The following ZFR variants were observed in gnomAD, a reference collection of about 807,000 sequenced individuals.
ZFR encodes the protein zinc finger RNA binding protein.
In ZFR, 19 loss-of-function variants were observed where a neutral mutation model predicts 130.7. The observed-to-expected ratio is 0.15, with a 90% confidence interval of 0.10 to 0.21. The LOEUF (loss-of-function observed/expected upper bound fraction) is 0.21. Among genes scored for constraint, ZFR ranks in the 10% least tolerant of loss-of-function variants. The pLI is 1.00. For synonymous variants in ZFR, 466 were observed against 456.9 expected, an observed-to-expected ratio of 1.02 and a Z score of -0.25; for missense variants, 872 against 1,321.5, an observed-to-expected ratio of 0.66 and a Z score of 5.27.
At chr5:32,399,749 T>C (rs534270291) in intron 9 of ZFR, among the ~76,000 whole-genome samples, 2 of 152,036 alleles carry the variant, frequency 1.3e-5, no homozygotes, top group African/African-American at 2.4e-5. Flanking sequence ...TGCTAGTAAA[T>C]AGAAAGTTAC....
At chr5:32,378,082 T>C (rs1035309868) in intron 17 of ZFR, among the ~76,000 whole-genome samples, 4 of 152,236 alleles carry the variant, frequency 2.6e-5, no homozygotes, top group Non-Finnish European at 4.4e-5. Flanking sequence ...ATTAGTCTAA[T>C]AGTTTTTTTG....
At chr5:32,381,959 AATAG>A (rs1428725159) in intron 15 of ZFR, among the ~76,000 whole-genome samples, 4 of 152,218 alleles carry the variant, frequency 2.6e-5, no homozygotes, top group African/African-American at 7.2e-5. Flanking sequence ...TTCTGTCAGG[AATAG>A]ATAAAGAAAA....
chr5:32,375,519 A>C (rs538740849), intron 17 of ZFR, among the ~76,000 whole-genome samples: 1 of 151,672 alleles, frequency 6.6e-6, no homozygotes, highest in East Asian at 1.9e-4. Flanking sequence ...TGTCTCAAAG[A>C]AAAAAAAAGA....
At chr5:32,381,413 TATGA>T (rs958960993) in intron 15 of ZFR, among the ~76,000 whole-genome samples, 4 of 152,146 alleles carry the variant, frequency 2.6e-5, no homozygotes, top group Non-Finnish European at 5.9e-5. Flanking sequence ...ATTTAAATAG[TATGA>T]ATATTTTCTC....
chr5:32,396,226 AG>A (rs1213246670), intron 10 of ZFR, among the ~76,000 whole-genome samples: 3 of 151,558 alleles, frequency 2.0e-5, no homozygotes, highest in Admixed American at 6.6e-5. Context: ...AAAAAAAAAA[AG>A]GCAGGCAAAT....
chr5:32,362,248 TAAACTATG>T (rs971780584), intron 19 of ZFR, among the ~76,000 whole-genome samples: 37 of 152,192 alleles, frequency 2.4e-4, no homozygotes, highest in African/African-American at 8.2e-4. Context: ...AAAGGTATGT[TAAACTATG>T]TACGCCTACC....
chr5:32,390,690 C>T (rs1181167925), intron 11 of ZFR, among the ~76,000 whole-genome samples: 2 of 152,176 alleles, frequency 1.3e-5, no homozygotes, highest in Non-Finnish European at 2.9e-5. Flanking sequence ...CAGTTTCTTA[C>T]CTCTCTCCTG....
At chr5:32,421,778 G>C (rs563516333) in intron 2 of ZFR, among the ~76,000 whole-genome samples, 1 of 152,050 alleles carries the variant, frequency 6.6e-6, no homozygotes, top group Non-Finnish European at 1.5e-5. Flanking sequence ...ATTTCTATCT[G>C]GATGAGGTTT....
At chr5:32,360,899 C>T (rs1752418080) in intron 19 of ZFR, among the ~76,000 whole-genome samples, 1 of 152,124 alleles carries the variant, frequency 6.6e-6, no homozygotes. Context: ...GAACCCTCAA[C>T]TTCCTGGGCT....
rs1173875197 is a variant in ZFR, at chr5:32,400,154, T to G, written c.1566A>C (p.Gly522=). The part of the protein sequence containing the change: ...STGNKAEDIK[G]TECVKSTPVT... ...CAGGAGTACTTTTAACACATTCGGT[T>G]CCTTTTATGTCTTCTGCTTTATTTC... Residue 522 remains glycine (G), a synonymous_variant, in exon 9 of 20, where the codon GGA becomes GGC. Coordinates refer to ENST00000265069, the MANE Select transcript of ZFR (RefSeq NM_016107.5). 6.2e-7 allele frequency: 1 copy of G among 1,611,982 alleles called. No homozygotes were observed. The highest frequency in any genetic ancestry group is 8.5e-7 in the Non-Finnish European group (1 of 1,178,792).
chr5:32,423,937 G>C (rs948685052), intron 2 of ZFR, among the ~76,000 whole-genome samples: 14 of 152,166 alleles, frequency 9.2e-5, no homozygotes, highest in Non-Finnish European at 1.5e-4. Flanking sequence ...AACTATGGAG[G>C]CAGAATAAAG....
intron 8 of ZFR, among the ~76,000 whole-genome samples, chr5:32,402,796 A>C (rs1315128657): frequency 2.0e-5 from 3 of 151,480 alleles, no homozygotes; most frequent in Admixed American, 2.0e-4. Flanking sequence ...AAAAAAAAAA[A>C]ACAAAAAAAA....
chr5:32,360,540 T>C (rs1752409866), intron 19 of ZFR, among the ~76,000 whole-genome samples: 1 of 152,262 alleles, frequency 6.6e-6, no homozygotes, highest in East Asian at 1.9e-4. Context: ...TTCTAACGTA[T>C]GACTGTATTT....
chr5:32,390,018 G>A (rs1753128458), intron 12 of ZFR, among the ~76,000 whole-genome samples: 1 of 152,186 alleles, frequency 6.6e-6, no homozygotes. Flanking sequence ...AAGTGTGTTG[G>A]TGAGCACCTG....
rs548748853 is a variant in ZFR at position 32,403,288 on chromosome 5, G to C, written c.1334C>G (p.Ser445Cys). 4.3e-6 allele frequency: 7 copies of C among 1,614,222 alleles called. No individual in the cohort carries two copies. The highest frequency in any genetic ancestry group is 1.3e-5 in the African/African-American group (1 of 75,058). Residue 445 changes from serine (S) to cysteine (C), a missense_variant, in exon 8 of 20, where the codon TCT becomes TGT. Around this residue, in one of 7 missense-constraint regions of ZFR, gnomAD observed 143 missense variants for 137.9 expected, o/e 1.04. Coordinates refer to ENST00000265069, the MANE Select transcript of ZFR (RefSeq NM_016107.5). Reference sequence around the variant, plus strand: ...ATTGTTTGCTGCAATGCTTGAAGGAGAGGCAGTCGGCTTTGAAGCAGATAC... The same window carrying C: ...ATTGTTTGCTGCAATGCTTGAAGGACAGGCAGTCGGCTTTGAAGCAGATAC... ...TAVSASKPTA[S>C]PSSIAANNCT...
intron 11 of ZFR, among the ~76,000 whole-genome samples, chr5:32,393,233 A>G (rs1753221430): frequency 6.6e-6 from 1 of 152,144 alleles, no homozygotes; most frequent in Non-Finnish European, 1.5e-5. Context: ...TATTTTATTG[A>G]TTAAATATAT....
chr5:32,425,917 CA>C lies in ZFR; in HGVS notation c.138-5815del, dbSNP rs1470585613. On this transcript the variant is annotated intron_variant, in intron 2 of 19. Coordinates refer to ENST00000265069, the MANE Select transcript of ZFR (RefSeq NM_016107.5). ...GAAGTGCTACAGGAATCCTGAAACC[CA>C]AAAGTTTGAGAATCTTCATTTCATG... Among the ~76,000 whole-genome samples, 27 of 152,284 alleles carry C rather than the reference CA, an allele frequency of 1.8e-4. 1 individual carries two copies. The South Asian group carries it at 5.6e-3, about 32-fold the overall frequency.
chr5:32,385,416 C>T, intron 15 of ZFR, 92 bp downstream of exon 15: 1 of 1,418,826 alleles, frequency 7.0e-7, no homozygotes, highest in Non-Finnish European at 9.6e-7. Flanking sequence ...GTAATGCCAG[C>T]ATGTTGCCTT....
intron 5 of ZFR, 28 bp downstream of exon 5, chr5:32,414,941 T>C (rs1753786284): frequency 6.4e-7 from 1 of 1,573,792 alleles, no homozygotes; most frequent in Non-Finnish European, 8.7e-7. Flanking sequence ...ATTTGTTTAC[T>C]CATTTAAACA....
Sources: gnomAD v4.1 joint callset for allele counts (sites outside exome capture counted in the v4.1 genomes callset) on GRCh38, gnomAD v4.1.1 for gene constraint, gnomAD v4.1.1 regional missense constraint, MANE v1.5 for transcripts, NCBI Gene and HGNC (gene_info 2026-07-23, HGNC 2026-07-21) for gene names.